Variants in AGAP3 observed in about 807,000 individuals in gnomAD.
AGAP3 encodes the protein arf-GAP with GTPase, ANK repeat and PH domain-containing protein 3.
A neutral mutation model predicts 96.9 loss-of-function variants in AGAP3; 24 were observed. The ratio of observed to expected loss-of-function variants is 0.25; its 90% confidence interval spans 0.18 to 0.35. The LOEUF is 0.35. Ranked by LOEUF, AGAP3 falls within the 10% of genes least tolerant of loss-of-function variation. AGAP3 has a pLI of 1.00. For missense variants in AGAP3, 876 were observed against 1,254.2 expected, an observed-to-expected ratio of 0.70 and a Z score of 4.55; for synonymous variants, 563 against 536.1, an observed-to-expected ratio of 1.05 and a Z score of -0.69.
intron 1 of AGAP3, among the ~76,000 whole-genome samples, chr7:151,097,285 C>A (rs1486759663): frequency 1.3e-5 from 2 of 151,640 alleles, no homozygotes; most frequent in African/African-American, 4.8e-5. Context: ...AATCCCAGCA[C>A]TTTGGGAAGC....
rs1234353370 is a variant in AGAP3 at position 151,123,788 on chromosome 7, T to C, written c.1129-6T>C. The C allele has an allele frequency of 6.2e-7, 1 of 1,612,976 alleles. No homozygotes were observed. The highest frequency in any genetic ancestry group is 1.7e-5 in the Admixed American group (1 of 60,000). The stretch of plus-strand genomic sequence containing the variant: ...TCTTTAACACGCCTCTTGTTTTCTC[T>C]TCCAGTCTCGGAAGGGTGCTGACCT... On this transcript the variant is annotated splice_polypyrimidine_tract_variant and splice_region_variant and intron_variant, in intron 8 of 17. Transcript: ENST00000397238.
rs1379466200 is a variant in AGAP3 at position 151,096,511 on chromosome 7, C to T, written c.331+9439C>T. Among the ~76,000 whole-genome samples the T allele has an allele frequency of 2.7e-5, 4 of 150,832 alleles. No individual in the cohort carries two copies. Among genetic ancestry groups the T allele is most frequent in the Non-Finnish European group, 4.4e-5 (3 of 67,856 alleles). On this transcript the variant is annotated intron_variant, in intron 1 of 17. Coordinates refer to ENST00000397238, the MANE Select transcript of AGAP3 (RefSeq NM_031946.7). The surrounding 1 kb of genome is among the most constrained non-coding windows in gnomAD (Gnocchi z 4.4). ...TTTTTGAGGTGGAGTCTCGCTCTGT[C>T]GCCCAGGCTGGAGTGCAGTGGCGCG...
chr7:151,120,912 C>G, intron 8 of AGAP3: 1 of 1,009,728 alleles, frequency 9.9e-7, no homozygotes, highest in Non-Finnish European at 1.2e-6. Flanking sequence ...CATCCAAACC[C>G]TAATCCTCCA....
At chr7:151,134,782 T>C (rs972500692) in intron 11 of AGAP3, among the ~76,000 whole-genome samples, 8 of 152,182 alleles carry the variant, frequency 5.3e-5, no homozygotes, top group Admixed American at 3.9e-4. Context: ...TTGATCTGGA[T>C]GTCAGATGGG....
intron 1 of AGAP3, among the ~76,000 whole-genome samples, chr7:151,093,261 C>G (rs1329089792): frequency 6.6e-5 from 10 of 152,166 alleles, no homozygotes; most frequent in Admixed American, 6.5e-5. Flanking sequence ...CCACCTCAGT[C>G]TCCCAGGTAG....
chr7:151,095,787 C>T (rs1349413749), intron 1 of AGAP3, among the ~76,000 whole-genome samples: 1 of 148,378 alleles, frequency 6.7e-6, no homozygotes, highest in Non-Finnish European at 1.5e-5. Flanking sequence ...GTTTTGGAGG[C>T]TTTCCATCAC....
intron 8 of AGAP3, chr7:151,123,220 G>A: frequency 9.3e-7 from 1 of 1,074,142 alleles, no homozygotes. Context: ...CGCTTGCCTT[G>A]CCCCCTCTTT....
intron 9 of AGAP3, among the ~76,000 whole-genome samples, chr7:151,128,034 T>G (rs1279226109): frequency 6.6e-6 from 1 of 152,188 alleles, no homozygotes; most frequent in East Asian, 1.9e-4. Flanking sequence ...AGGCTGGGTC[T>G]TCCTGCTGCC....
chr7:151,091,231 G>C (rs879932886), intron 1 of AGAP3, among the ~76,000 whole-genome samples: 2 of 152,232 alleles, frequency 1.3e-5, no homozygotes, highest in South Asian at 2.1e-4. Flanking sequence ...GACTGGGGGG[G>C]TCTGGGATGG....
In AGAP3 at chr7:151,102,969, C is replaced by T. The variant is rs552486541; in HGVS notation, c.332-13824C>T. Among the ~76,000 whole-genome samples the T allele has an allele frequency of 4.8e-3, 726 of 152,274 alleles. 4 individuals are homozygous for T. The highest frequency in any genetic ancestry group is 0.016 in the African/African-American group (683 of 41,558). On this transcript the variant is annotated intron_variant, in intron 1 of 17. Coordinates refer to ENST00000397238, the MANE Select transcript of AGAP3 (RefSeq NM_031946.7). The stretch of plus-strand genomic sequence containing the variant: ...TGGTGTTACACACCTGTAGTCTCAG[C>T]CACATGGGAGGCTGCTGCAGTTAGA...
At chr7:151,111,919 C>T (rs1799305444) in intron 1 of AGAP3, among the ~76,000 whole-genome samples, 2 of 152,162 alleles carry the variant, frequency 1.3e-5, no homozygotes, top group Non-Finnish European at 2.9e-5. Context: ...CAGTACTGTT[C>T]GTGTAGTCCC....
At position 151,118,034 on chromosome 7, in the gene AGAP3, G is replaced by A. The variant is rs1316427050; in HGVS notation, c.707-176G>A. ...TCAGAGCTTAAGTGCTTGCTGGTTT[G>A]CACTCAGTGAGGCCATGGAAGGGTT... On this transcript the variant is annotated intron_variant, in intron 5 of 17. Coordinates refer to ENST00000397238, the MANE Select transcript of AGAP3 (RefSeq NM_031946.7). This position sits in a 1 kb window ranked among gnomAD's most constrained non-coding sequence, Gnocchi z 6.1. The A allele has an allele frequency of 7.5e-6, 7 of 933,566 alleles. No homozygotes were observed. Among genetic ancestry groups the A allele is most frequent in the Non-Finnish European group, 1.1e-5 (7 of 629,990 alleles). 57.8% of individuals were successfully genotyped at this position (933,566 alleles called of 1,614,324 possible). A position where few individuals can be genotyped will look rare whatever the true frequency, so the allele number is the denominator to read the frequency against.
chr7:151,109,916 C>T (rs62490313), intron 1 of AGAP3, among the ~76,000 whole-genome samples: 38,419 of 152,208 alleles, frequency 0.25, 5,331 homozygotes, highest in Middle Eastern at 0.36. Context: ...AGGCACCATG[C>T]GGCCCTCCAT....
intron 8 of AGAP3, chr7:151,123,496 G>A: frequency 8.3e-7 from 1 of 1,207,826 alleles, no homozygotes. Context: ...CCTCGCCCCC[G>A]CTTCTCTTAC....
intron 10 of AGAP3, among the ~76,000 whole-genome samples, chr7:151,132,317 T>C (rs949095215): frequency 6.6e-6 from 1 of 152,198 alleles, no homozygotes; most frequent in Non-Finnish European, 1.5e-5. Context: ...ATTCCTCGGT[T>C]ATGTCGTTCT....
chr7:151,138,451 C>G, intron 12 of AGAP3, 138 bp downstream of exon 12: 1 of 1,026,744 alleles, frequency 9.7e-7, no homozygotes, highest in Non-Finnish European at 1.4e-6. Flanking sequence ...GCTGGGCCCT[C>G]CTGGGCTTGT....
rs1412563891 is a variant in AGAP3, at chr7:151,107,904, G to A, written c.332-8889G>A. 6.6e-5 allele frequency among the ~76,000 whole-genome samples: 10 copies of A among 152,344 alleles called. 1 individual carries two copies. The East Asian group carries it at 1.5e-3, about 24-fold the overall frequency. ...ATATTCTGAGTCTGGAGCCCCCACCGTCCCACCCTGTGGTGGTGGCCCACC... is the reference window on the plus strand; with the variant it reads ...ATATTCTGAGTCTGGAGCCCCCACCATCCCACCCTGTGGTGGTGGCCCACC... On this transcript the variant is annotated intron_variant, in intron 1 of 17. Coordinates refer to ENST00000397238, the MANE Select transcript of AGAP3 (RefSeq NM_031946.7).
chr7:151,100,874 G>T (rs1357132739), intron 1 of AGAP3, among the ~76,000 whole-genome samples: 1 of 152,052 alleles, frequency 6.6e-6, no homozygotes, highest in Non-Finnish European at 1.5e-5. Context: ...ATAATAAATA[G>T]ACCTGGCTCT....
At chr7:151,121,802 G>A (rs944505104) in intron 8 of AGAP3, among the ~76,000 whole-genome samples, 9 of 152,184 alleles carry the variant, frequency 5.9e-5, no homozygotes, top group African/African-American at 7.2e-5. Flanking sequence ...GCCTCAAGAC[G>A]CGTCCGTCTC....
Sources: allele counts gnomAD v4.1 joint callset (sites outside exome capture counted in the v4.1 genomes callset), GRCh38; gene constraint gnomAD v4.1.1; non-coding constraint Gnocchi (gnomAD v3.1); transcripts MANE v1.5; gene names NCBI Gene and HGNC (gene_info 2026-07-23, HGNC 2026-07-21).